Variants in PPP1R12B observed in about 807,000 individuals in gnomAD.
The protein encoded by PPP1R12B is myosin phosphatase target subunit 2.
Under a neutral mutation model 126.1 loss-of-function variants are expected in PPP1R12B, and 76 were observed. That is an observed-to-expected ratio of 0.60 (90% CI 0.50 to 0.73). The LOEUF is 0.73. PPP1R12B is among the 30% of genes least tolerant of loss of function. The pLI is 0.00. For synonymous variants in PPP1R12B, 356 were observed against 434.7 expected (o/e 0.82, Z 2.25); for missense variants, 1,052 against 1,205.1 (o/e 0.87, Z 1.88).
intron 13 of PPP1R12B, among the ~76,000 whole-genome samples, chr1:202,461,510 C>T (rs1674308053): frequency 6.6e-6 from 1 of 152,088 alleles, no homozygotes; most frequent in Non-Finnish European, 1.5e-5. Context: ...TCATTAAGAT[C>T]CATTCCTAGC....
At chr1:202,549,420 C>A (rs1169470155) in intron 18 of PPP1R12B, among the ~76,000 whole-genome samples, 2 of 140,056 alleles carry the variant, frequency 1.4e-5, no homozygotes, top group African/African-American at 2.6e-5. Flanking sequence ...AATCAATTAC[C>A]TTTTTTTTTT....
chr1:202,367,203 A>G (rs983033889), intron 1 of PPP1R12B, among the ~76,000 whole-genome samples: 1 of 152,192 alleles, frequency 6.6e-6, no homozygotes, highest in Non-Finnish European at 1.5e-5. Context: ...GCTCTAACGT[A>G]TTGATAGTAA....
At chr1:202,481,057 C>T (rs1398505466) in intron 13 of PPP1R12B, among the ~76,000 whole-genome samples, 1 of 152,166 alleles carries the variant, frequency 6.6e-6, no homozygotes, top group Non-Finnish European at 1.5e-5. Context: ...TCTCATAAGG[C>T]ATGCACAACC....
intron 1 of PPP1R12B, among the ~76,000 whole-genome samples, chr1:202,380,306 T>C (rs1366328652): frequency 1.3e-5 from 2 of 152,140 alleles, no homozygotes; most frequent in Non-Finnish European, 2.9e-5. Flanking sequence ...GATATTATCT[T>C]ACACAAACAA....
intron 1 of PPP1R12B, among the ~76,000 whole-genome samples, chr1:202,379,692 C>T (rs1661907201): frequency 1.3e-5 from 2 of 152,216 alleles, no homozygotes; most frequent in Non-Finnish European, 1.5e-5. Flanking sequence ...CACATCTTTA[C>T]AGTCTATTTC....
At chr1:202,503,328 G>A (rs1422210016) in intron 18 of PPP1R12B, among the ~76,000 whole-genome samples, 1 of 152,186 alleles carries the variant, frequency 6.6e-6, no homozygotes, top group East Asian at 1.9e-4. Flanking sequence ...TATTAATTGA[G>A]ATGGAGAATA....
intron 1 of PPP1R12B, among the ~76,000 whole-genome samples, chr1:202,381,443 C>A (rs1252669147): frequency 4.2e-4 from 2 of 4,762 alleles, no homozygotes; most frequent in Non-Finnish European, 6.1e-4. Flanking sequence ...TGTGTATCAT[C>A]CCTCAACTGC....
intron 1 of PPP1R12B, among the ~76,000 whole-genome samples, chr1:202,351,529 G>A (rs553462418): frequency 5.3e-5 from 8 of 152,244 alleles, no homozygotes; most frequent in South Asian, 2.1e-4. Context: ...ATGAGCCACC[G>A]CGCATGGCCG....
At chr1:202,426,952 A>G in intron 4 of PPP1R12B, 88 bp from the exon 5 acceptor site, 2 of 1,521,136 alleles carry the variant, frequency 1.3e-6, no homozygotes, top group Non-Finnish European at 1.8e-6. Flanking sequence ...CAGGGCCAAA[A>G]TCTGAAATAT....
intron 12 of PPP1R12B, among the ~76,000 whole-genome samples, chr1:202,446,236 C>CTCTCTCTCTCTCTCTCTA (rs1491246158): frequency 1.1e-5 from 1 of 88,056 alleles, no homozygotes; most frequent in South Asian, 5.6e-4. Context: ...CTCTCTCTCT[C>CTCTCTCTCTCTCTCTCTA]TATATATATA....
intron 18 of PPP1R12B, among the ~76,000 whole-genome samples, chr1:202,536,939 C>T (rs1011542604): frequency 3.3e-5 from 5 of 152,200 alleles, no homozygotes; most frequent in Non-Finnish European, 5.9e-5. Context: ...ATAACAATGC[C>T]TTCTTCGGAA....
chr1:202,460,008 G>A (rs746452327), intron 13 of PPP1R12B, among the ~76,000 whole-genome samples: 7 of 152,164 alleles, frequency 4.6e-5, no homozygotes, highest in Non-Finnish European at 5.9e-5. Flanking sequence ...GTCACAATAG[G>A]GTAGTGGTTG....
rs1006779375 is a variant in PPP1R12B, at chr1:202,556,922, T to C, written c.2491-1955T>C. 5.9e-5 allele frequency among the ~76,000 whole-genome samples: 9 copies of C among 152,226 alleles called. 1 individual carries two copies. Among genetic ancestry groups the C allele is most frequent in the African/African-American group, 1.9e-4 (8 of 41,458 alleles). On this transcript the variant is annotated intron_variant, in intron 18 of 23. Transcript: ENST00000608999. ...TTTTAATTCACCCAGATGCTAGGTC[T>C]TCTCACAAAGCTAATGAGTGACATA...
At chr1:202,380,398 GT>G (rs1349518501) in intron 1 of PPP1R12B, among the ~76,000 whole-genome samples, 1 of 152,212 alleles carries the variant, frequency 6.6e-6, no homozygotes, top group Non-Finnish European at 1.5e-5. Flanking sequence ...CAGGGCTGCT[GT>G]TGCCCTAGTG....
intron 1 of PPP1R12B, among the ~76,000 whole-genome samples, chr1:202,373,972 A>G (rs1271315866): frequency 6.6e-6 from 1 of 152,176 alleles, no homozygotes; most frequent in Admixed American, 6.5e-5. Context: ...TAATTTTTTG[A>G]TACCCTTGAT....
chr1:202,425,733 C>G lies in PPP1R12B; in HGVS notation c.701+8C>G. On this transcript the variant is annotated splice_region_variant and intron_variant, in intron 4 of 23. Transcript: ENST00000608999. ...CTACTCTGAAGTCCTCAGGTATTGT[C>G]CATTTACATCAATCAGGAGTGGTTC... 6.2e-7 allele frequency: 1 copy of G among 1,609,152 alleles called. No individual in the cohort carries two copies. Among genetic ancestry groups the G allele is most frequent in the Non-Finnish European group, 8.5e-7 (1 of 1,176,986 alleles).
chr1:202,510,348 C>T (rs1331844362), intron 18 of PPP1R12B, among the ~76,000 whole-genome samples: 1 of 152,088 alleles, frequency 6.6e-6, no homozygotes. Flanking sequence ...GTTTTTAGAC[C>T]TCTCCCCTTG....
intron 23 of PPP1R12B, among the ~76,000 whole-genome samples, chr1:202,578,494 G>A (rs567562130): frequency 2.0e-5 from 3 of 152,336 alleles, no homozygotes; most frequent in East Asian, 1.9e-4. Context: ...CAAGGCTACA[G>A]GGATAGAGGA....
chr1:202,556,762 T>C (rs1376795618), intron 18 of PPP1R12B, among the ~76,000 whole-genome samples: 1 of 152,214 alleles, frequency 6.6e-6, no homozygotes, highest in Non-Finnish European at 1.5e-5. Flanking sequence ...TCTTCCTCAG[T>C]GCCTCCTCTA....
Sources: allele counts gnomAD v4.1 joint callset (sites outside exome capture counted in the v4.1 genomes callset), GRCh38; gene constraint gnomAD v4.1.1; transcripts MANE v1.5; gene names NCBI Gene and HGNC (gene_info 2026-07-23, HGNC 2026-07-21).